RARS2: variants seen among roughly 807,000 people sequenced by gnomAD.
The protein encoded by RARS2 is arginyl-tRNA synthetase 2, mitochondrial.
A neutral mutation model predicts 88.5 loss-of-function variants in RARS2; 67 were observed. The ratio of observed to expected loss-of-function variants is 0.76; its 90% CI spans 0.62 to 0.93. The LOEUF is 0.93. Ranked by LOEUF, RARS2 falls within the 40% of genes least tolerant of loss-of-function variation. RARS2 has a pLI of 0.00. For missense variants in RARS2, 664 were observed against 684.2 expected, an observed-to-expected ratio of 0.97 and a Z score of 0.33; for synonymous variants, 239 against 230.3, an observed-to-expected ratio of 1.04 and a Z score of -0.34.
intron 1 of RARS2, among the ~76,000 whole-genome samples, chr6:87,576,816 T>C (rs924414724): frequency 3.3e-5 from 5 of 152,208 alleles, no homozygotes; most frequent in African/African-American, 1.2e-4. Context: ...CACAGATGTA[T>C]GCTGGATAAG....
chr6:87,545,550 CAGAT>C lies in RARS2; in HGVS notation c.535+62_535+65del, dbSNP rs1288022600. 7 of 1,603,910 alleles carry C rather than the reference CAGAT, an allele frequency of 4.4e-6. No homozygotes were observed. In the African/African-American group the frequency reaches 9.4e-5, roughly 22 times the overall value. On this transcript the variant is annotated intron_variant, in intron 7 of 19. Transcript: ENST00000369536. ...AATGGGATTCTGCCTATATTCTGTC[CAGAT>C]CAAAGTTTTTACAAATTGAATTTTA...
intron 10 of RARS2, among the ~76,000 whole-genome samples, chr6:87,527,258 A>C (rs1183725428): frequency 6.6e-6 from 1 of 152,084 alleles, no homozygotes; most frequent in Admixed American, 6.5e-5. Flanking sequence ...GCACTGAGCC[A>C]AGATCATGCC....
In RARS2 at chr6:87,524,570, G is replaced by A. The variant is rs1417294527; in HGVS notation, c.961C>T (p.Leu321Phe). The A allele has an allele frequency of 3.7e-6, 6 of 1,610,734 alleles. No homozygotes were observed. Among genetic ancestry groups the A allele is most frequent in the Non-Finnish European group, 5.1e-6 (6 of 1,176,996 alleles). ...GAGGCTACAAACCTGGTTGCATAGA[G>A]AGAAGTCCCATCACTTCGCATTACA... ...CTVMRSDGTSLYATRDLAAAI... is the reference protein window; with the variant it reads ...CTVMRSDGTSFYATRDLAAAI... Residue 321 changes from leucine to phenylalanine, a missense_variant, in exon 11 of 20, where the codon CTC (leucine) becomes TTC (phenylalanine). Leu to Phe is a conservative substitution (Grantham distance 22). Coordinates refer to ENST00000369536, the MANE Select transcript of RARS2 (RefSeq NM_020320.5).
At chr6:87,547,167 T>C (rs534150183) in intron 6 of RARS2, among the ~76,000 whole-genome samples, 25 of 152,324 alleles carry the variant, frequency 1.6e-4, no homozygotes, top group African/African-American at 6.0e-4. Context: ...CTCTAACTGG[T>C]CCAAATATTT....
intron 1 of RARS2, among the ~76,000 whole-genome samples, chr6:87,573,881 T>A (rs1770590135): frequency 6.6e-6 from 1 of 152,134 alleles, no homozygotes; most frequent in Non-Finnish European, 1.5e-5. Context: ...AGTCACAAAC[T>A]TCAAAGTTGA....
intron 1 of RARS2, among the ~76,000 whole-genome samples, chr6:87,582,376 C>A (rs1036657280): frequency 4.6e-5 from 7 of 151,952 alleles, no homozygotes; most frequent in Non-Finnish European, 8.8e-5. Flanking sequence ...AGCTTTTTTT[C>A]GAATGTTTGT....
chr6:87,518,553 C>A (rs564631583), intron 16 of RARS2, 77 bp downstream of exon 16: 1 of 1,439,628 alleles, frequency 6.9e-7, no homozygotes, highest in Non-Finnish European at 9.7e-7. Flanking sequence ...GAAAACAGGG[C>A]CTCTGGTCTT....
intron 7 of RARS2, among the ~76,000 whole-genome samples, chr6:87,542,440 T>C (rs1781292890): frequency 6.6e-6 from 1 of 152,204 alleles, no homozygotes; most frequent in Admixed American, 6.5e-5. Context: ...TTTAAACTTG[T>C]AGGCATTAAT....
rs559017076 is a variant in RARS2 at position 87,579,044 on chromosome 6, A to G, written c.37-9454T>C. 2.5e-3 allele frequency among the ~76,000 whole-genome samples: 371 copies of G among 150,814 alleles called. 1 individual carries two copies. The highest frequency in any genetic ancestry group is 8.7e-3 in the African/African-American group (358 of 41,128). On this transcript the variant is annotated intron_variant, in intron 1 of 19. Transcript: ENST00000369536. ...TACCAAACACAATTCTCAGCACTCC[A>G]TATGTATTAATACCTTGCATCCTGA...
At chr6:87,560,544 T>C (rs1385222147) in intron 4 of RARS2, among the ~76,000 whole-genome samples, 2 of 152,246 alleles carry the variant, frequency 1.3e-5, no homozygotes, top group Non-Finnish European at 2.9e-5. Context: ...ATATTAATTC[T>C]TTGTTGGTCC....
intron 1 of RARS2, among the ~76,000 whole-genome samples, chr6:87,586,909 T>C (rs1775346622): frequency 6.6e-6 from 1 of 151,648 alleles, no homozygotes; most frequent in South Asian, 2.1e-4. Flanking sequence ...TATTTATTTA[T>C]TTATTTATTT....
At chr6:87,551,626 CAAAAAAAA>C (rs71018036) in intron 5 of RARS2, among the ~76,000 whole-genome samples, 3 of 65,168 alleles carry the variant, frequency 4.6e-5, no homozygotes, top group Admixed American at 2.4e-4. Flanking sequence ...TCCGTCTCAA[CAAAAAAAA>C]AAAAAAAAAA....
intron 1 of RARS2, among the ~76,000 whole-genome samples, chr6:87,570,273 T>C (rs944947944): frequency 2.0e-5 from 3 of 152,132 alleles, no homozygotes; most frequent in African/African-American, 7.2e-5. Context: ...CCCAAAGTAC[T>C]GGGATTATAG....
intron 8 of RARS2, among the ~76,000 whole-genome samples, chr6:87,540,044 G>A (rs529385156): frequency 6.6e-6 from 1 of 152,066 alleles, no homozygotes; most frequent in Admixed American, 6.5e-5. Flanking sequence ...ACTCTTAATG[G>A]GAAAGAGAGA....
intron 12 of RARS2, 67 bp from the exon 13 acceptor site, chr6:87,520,323 T>G: frequency 7.9e-7 from 1 of 1,258,568 alleles, no homozygotes; most frequent in South Asian, 1.2e-5. Context: ...TAGGTTGGAC[T>G]TGAATCAAAT....
intron 9 of RARS2, 30 bp from the exon 10 acceptor site, chr6:87,529,678 G>A (rs1776831519): frequency 6.7e-7 from 1 of 1,493,494 alleles, no homozygotes; most frequent in Admixed American, 1.7e-5. Flanking sequence ...AAAAGACAAA[G>A]AAATGTTAAT....
At chr6:87,532,214 CT>C (rs35516206) in intron 8 of RARS2, among the ~76,000 whole-genome samples, 9,701 of 151,598 alleles carry the variant, frequency 0.064, 389 homozygotes, top group African/African-American at 0.12. Flanking sequence ...TTAAAATTAC[CT>C]TTTTTTTTCC....
intron 8 of RARS2, among the ~76,000 whole-genome samples, chr6:87,533,058 AAC>A (rs1018496487): frequency 1.3e-5 from 2 of 152,188 alleles, no homozygotes; most frequent in African/African-American, 4.8e-5. Flanking sequence ...GTTATAAGCA[AAC>A]ACATGCAAAA....
At chr6:87,520,063 T>A (rs940612865) in intron 13 of RARS2, 117 bp downstream of exon 13, 5 of 896,762 alleles carry the variant, frequency 5.6e-6, no homozygotes, top group Non-Finnish European at 9.3e-6. Flanking sequence ...AATCTACCTT[T>A]CCACACCAGT....
Sources: allele counts gnomAD v4.1 joint callset (sites outside exome capture counted in the v4.1 genomes callset), GRCh38; gene constraint gnomAD v4.1.1; transcripts MANE v1.5; gene names NCBI Gene and HGNC (gene_info 2026-07-23, HGNC 2026-07-21).